Variants in TEX26 observed in about 807,000 individuals in gnomAD.
The protein encoded by TEX26 is testis-expressed protein 26.
TEX26 carries 34 observed loss-of-function variants against 35.3 expected under a neutral mutation model. The observed-to-expected ratio is 0.96, with a 90% CI of 0.73 to 1.28. The LOEUF (loss-of-function observed/expected upper bound fraction) is 1.28, where lower values mean the gene tolerates loss of function less well. Among genes scored for constraint, TEX26 ranks in the 50% most tolerant of loss-of-function variants. The pLI is 0.00. For synonymous variants in TEX26, 136 were observed against 111.8 expected (o/e 1.22, Z -1.36); for missense variants, 371 against 330.1 (o/e 1.12, Z -0.96).
chr13:30,946,101 T>C (rs554385354), intron 2 of TEX26, among the ~76,000 whole-genome samples: 59 of 152,066 alleles, frequency 3.9e-4, no homozygotes, highest in Non-Finnish European at 6.2e-4. Context: ...ATTCTTAGAT[T>C]TGGCCATTCT....
chr13:30,943,506 T>C (rs1367318379), intron 2 of TEX26, among the ~76,000 whole-genome samples: 1 of 152,156 alleles, frequency 6.6e-6, no homozygotes, highest in African/African-American at 2.4e-5. Flanking sequence ...CTATGTTGAA[T>C]AGAAGTGGTG....
intron 1 of TEX26, chr13:30,933,179 A>T (rs369703989): frequency 6.3e-6 from 1 of 158,078 alleles, no homozygotes; most frequent in African/African-American, 2.4e-5. Context: ...GATCTTGGAA[A>T]CAGCAAGGAA....
chr13:30,974,647 A>C (rs1268407571), intron 6 of TEX26, among the ~76,000 whole-genome samples, 199 bp from the exon 7 acceptor site: 1 of 152,166 alleles, frequency 6.6e-6, no homozygotes, highest in Admixed American at 6.5e-5. Context: ...TTGAGTATTA[A>C]GTTTACTCTT....
chr13:30,951,385 T>C (rs749399232), intron 2 of TEX26, among the ~76,000 whole-genome samples: 2 of 151,748 alleles, frequency 1.3e-5, no homozygotes, highest in Non-Finnish European at 1.5e-5. Context: ...ATTTGTGCTG[T>C]GTCCCGTCCC....
At chr13:30,964,084 G>A (rs1954443433) in intron 4 of TEX26, among the ~76,000 whole-genome samples, 1 of 152,152 alleles carries the variant, frequency 6.6e-6, no homozygotes, top group South Asian at 2.1e-4. Flanking sequence ...CGTTGTCAAA[G>A]CTCCTTACTG....
At chr13:30,960,887 G>A (rs889434411) in intron 4 of TEX26, among the ~76,000 whole-genome samples, 3 of 152,154 alleles carry the variant, frequency 2.0e-5, no homozygotes, top group African/African-American at 7.2e-5. Context: ...TTTTCTTAAA[G>A]TGGGTGCACA....
intron 6 of TEX26, among the ~76,000 whole-genome samples, chr13:30,972,985 A>G (rs1425995541): frequency 6.6e-6 from 1 of 152,234 alleles, no homozygotes; most frequent in East Asian, 1.9e-4. Context: ...CTTCTGCTAA[A>G]GATAAACATA....
chr13:30,936,137 T>C (rs1953265003), intron 1 of TEX26, among the ~76,000 whole-genome samples: 2 of 152,206 alleles, frequency 1.3e-5, no homozygotes, highest in Admixed American at 1.3e-4. Flanking sequence ...ACAAGCAACT[T>C]ACATATATCA....
chr13:30,968,653 G>A lies in TEX26; in HGVS notation c.647-232G>A, dbSNP rs553456550. On this transcript the variant is annotated intron_variant, in intron 5 of 6. Transcript: ENST00000380473. ...AAACTCACCCTTCTGGTCATTCTCC[G>A]ATCACTGCCACTTCCAGCAGCAACA... Among the ~76,000 whole-genome samples the A allele has an allele frequency of 4.6e-5, 7 of 152,226 alleles. No homozygotes were observed. In the East Asian group the frequency reaches 5.8e-4, roughly 13 times the overall value.
rs955793598 is a variant in TEX26, at chr13:30,957,133, T to C, written c.469+104T>C. The C allele has an allele frequency of 4.1e-6, 5 of 1,210,314 alleles. No individual in the cohort carries two copies. The African/African-American group carries it at 7.6e-5, about 18-fold the overall frequency. The allele number at this position is 1,210,314 out of a possible 1,614,324, so 75.0% of individuals were successfully genotyped here. ...TTCTTCTCCTTCAAGGAACTTGAAG[T>C]CTAGGCATGGAGACAGGCGACTTTG... On this transcript the variant is annotated intron_variant, in intron 4 of 6. Transcript: ENST00000380473.
At chr13:30,937,161 TG>T (rs1953302784) in intron 1 of TEX26, among the ~76,000 whole-genome samples, 1 of 152,128 alleles carries the variant, frequency 6.6e-6, no homozygotes, top group South Asian at 2.1e-4. Flanking sequence ...CCTCAGTTCC[TG>T]GAAACAGTAA....
At chr13:30,936,701 G>A (rs566830965) in intron 1 of TEX26, 2 of 985,394 alleles carry the variant, frequency 2.0e-6, no homozygotes. Flanking sequence ...TGCTCCACAG[G>A]GCTGGGTCCA....
intron 5 of TEX26, 145 bp downstream of exon 5, chr13:30,966,543 T>G (rs1052047678): frequency 7.2e-6 from 5 of 695,072 alleles, no homozygotes; most frequent in Admixed American, 6.3e-5. Flanking sequence ...GTTCAAGCGA[T>G]TCTCCTGCCT....
chr13:30,949,876 A>G lies in TEX26; in HGVS notation c.147-2784A>G, dbSNP rs186666991. On this transcript the variant is annotated intron_variant, in intron 2 of 6. Transcript: ENST00000380473. ...AGTATTTACTAGTATTCAGTGAAAG[A>G]AAGTTACATATAGTGAAAATTAATA... Among the ~76,000 whole-genome samples the G allele has an allele frequency of 9.8e-5, 15 of 152,318 alleles. No homozygotes were observed. The East Asian group carries it at 2.9e-3, about 29-fold the overall frequency.
At chr13:30,946,317 T>C (rs557607623) in intron 2 of TEX26, among the ~76,000 whole-genome samples, 1 of 152,038 alleles carries the variant, frequency 6.6e-6, no homozygotes, top group African/African-American at 2.4e-5. Context: ...TTAAAATCTA[T>C]TTCTTTAGAA....
At chr13:30,940,422 C>T (rs1398110458) in intron 2 of TEX26, among the ~76,000 whole-genome samples, 3 of 147,414 alleles carry the variant, frequency 2.0e-5, no homozygotes, top group Middle Eastern at 3.4e-3. Flanking sequence ...CAAGCTCCGC[C>T]CCCTGGGTTC....
intron 4 of TEX26, 110 bp from the exon 5 acceptor site, chr13:30,966,112 G>C: frequency 9.2e-7 from 1 of 1,086,528 alleles, no homozygotes; most frequent in East Asian, 2.5e-5. Context: ...TTTCTCCATT[G>C]AAGTGTTCAT....
In TEX26 at chr13:30,932,656, G is replaced by T; in HGVS notation, c.-60G>T. ...GGCGACGCGTCACAAAGCAGCCCGC[G>T]GCTCCCGCAAGCGCTGAGATAGCTG... is the stretch of plus-strand genomic sequence containing the variant. On this transcript the variant is annotated 5_prime_UTR_variant, in exon 1 of 7. Coordinates refer to ENST00000380473, the MANE Select transcript of TEX26 (RefSeq NM_152325.3). 1 of 1,579,276 alleles carries T rather than the reference G, an allele frequency of 6.3e-7. No individual in the cohort carries two copies. Among genetic ancestry groups the T allele is most frequent in the Non-Finnish European group, 8.6e-7 (1 of 1,160,268 alleles).
chr13:30,966,430 C>CTT, intron 5 of TEX26, 32 bp downstream of exon 5: 1 of 1,111,020 alleles, frequency 9.0e-7, no homozygotes, highest in Non-Finnish European at 1.2e-6. Flanking sequence ...TTTTCTTTTT[C>CTT]TCTTTTTTTT....
Sources: gnomAD v4.1 joint callset for allele counts (sites outside exome capture counted in the v4.1 genomes callset) on GRCh38, gnomAD v4.1.1 for gene constraint, MANE v1.5 for transcripts, NCBI Gene and HGNC (gene_info 2026-07-23, HGNC 2026-07-21) for gene names.